The following DOCK5 variants were observed in gnomAD, a reference collection of about 807,000 sequenced individuals.
DOCK5 encodes dedicator of cytokinesis 5.
In DOCK5, 142 loss-of-function variants were observed where a neutral mutation model predicts 251.8. That is an observed-to-expected ratio of 0.56 (90% CI 0.49 to 0.65). DOCK5 has a LOEUF of 0.65. Among genes scored for constraint, DOCK5 ranks in the 30% least tolerant of loss-of-function variants. The pLI is 0.00. For missense variants in DOCK5, 2,111 were observed against 2,312.3 expected (o/e 0.91, Z 1.79); for synonymous variants, 842 against 835.5 (o/e 1.01, Z -0.13).
chr8:25,369,676 G>A (rs886908329), intron 34 of DOCK5, 35 bp downstream of exon 34: 3 of 1,551,780 alleles, frequency 1.9e-6, no homozygotes, highest in Admixed American at 3.8e-5. Context: ...GAAGTCAGTG[G>A]TGTCATTTAG....
At chr8:25,189,392 G>C (rs773530332) in intron 1 of DOCK5, among the ~76,000 whole-genome samples, 2 of 151,804 alleles carry the variant, frequency 1.3e-5, no homozygotes, top group Admixed American at 6.6e-5. Context: ...ACAGGGTCTC[G>C]TTCTGTAACC....
intron 43 of DOCK5, 71 bp from the exon 44 acceptor site, chr8:25,392,725 G>C: frequency 7.5e-7 from 1 of 1,332,532 alleles, no homozygotes; most frequent in Non-Finnish European, 1.1e-6. Flanking sequence ...TTTTCCCTGG[G>C]AATTGACCAA....
chr8:25,402,115 TA>T (rs1801449328), intron 47 of DOCK5, among the ~76,000 whole-genome samples: 1 of 152,062 alleles, frequency 6.6e-6, no homozygotes, highest in Non-Finnish European at 1.5e-5. Flanking sequence ...TTAATGGTCT[TA>T]TTCTTTTTGT....
At position 25,400,308 on chromosome 8, in the gene DOCK5, G is replaced by A. The variant is rs1801415932; in HGVS notation, c.4788+314G>A. Among the ~76,000 whole-genome samples the A allele has an allele frequency of 1.9e-4, 29 of 152,074 alleles. No homozygotes were observed. The South Asian group carries it at 5.8e-3, about 31-fold the overall frequency. ...GAGGTCAGGAGTTCCAGACCAGCCT[G>A]GCCAACATGGTGAAACCCCATCTCT... On this transcript the variant is annotated intron_variant, in intron 46 of 51. Coordinates refer to ENST00000276440, the MANE Select transcript of DOCK5 (RefSeq NM_024940.8).
intron 2 of DOCK5, among the ~76,000 whole-genome samples, chr8:25,250,436 T>A (rs1185886189): frequency 6.6e-6 from 1 of 152,246 alleles, no homozygotes; most frequent in Non-Finnish European, 1.5e-5. Flanking sequence ...CAGTCATTTT[T>A]GTGTCTTTGC....
At chr8:25,201,203 G>A (rs7846483) in intron 1 of DOCK5, among the ~76,000 whole-genome samples, 13,687 of 152,186 alleles carry the variant, frequency 0.09, 888 homozygotes, top group African/African-American at 0.19. Flanking sequence ...CACTGTGGCC[G>A]GCCTAAATGG....
chr8:25,296,081 A>T (rs1457744121), intron 6 of DOCK5, among the ~76,000 whole-genome samples: 1 of 152,112 alleles, frequency 6.6e-6, no homozygotes. Flanking sequence ...CAGCCTCCCA[A>T]AGTGCTAGGA....
At chr8:25,408,266 AG>A (rs3833689) in intron 49 of DOCK5, 112 bp downstream of exon 49, 66,157 of 1,183,180 alleles carry the variant, frequency 0.056, 2,211 homozygotes, top group South Asian at 0.098. Flanking sequence ...GGCTTGTTTC[AG>A]GACTCAGCAG....
At chr8:25,228,422 CTT>C (rs1241312578) in intron 1 of DOCK5, among the ~76,000 whole-genome samples, 1 of 152,174 alleles carries the variant, frequency 6.6e-6, no homozygotes, top group Non-Finnish European at 1.5e-5. Context: ...TAAACAGTGA[CTT>C]TGATTGAAGT....
At chr8:25,227,220 C>T (rs1421892737) in intron 1 of DOCK5, among the ~76,000 whole-genome samples, 2 of 152,154 alleles carry the variant, frequency 1.3e-5, no homozygotes, top group Admixed American at 6.5e-5. Context: ...GCCTGACTGC[C>T]GACCTCCCAT....
rs904797854 is a variant in DOCK5, at chr8:25,415,695, T to C, written c.*4397T>C. The stretch of plus-strand genomic sequence containing the variant: ...TGTTATTTATTTTTTAAATTAAAAA[T>C]GGAAATGTATTTTAAAGTTTATTGT... On this transcript the variant is annotated 3_prime_UTR_variant, in exon 52 of 52. Coordinates refer to ENST00000276440, the MANE Select transcript of DOCK5 (RefSeq NM_024940.8). The C allele has an allele frequency of 2.6e-5, 4 of 152,224 alleles. No homozygotes were observed. Among genetic ancestry groups the C allele is most frequent in the Non-Finnish European group, 4.4e-5 (3 of 68,036 alleles). The allele number at this position is 152,224 out of a possible 1,614,324, so 9.4% of individuals were successfully genotyped here.
chr8:25,368,777 A>G (rs1800822884), intron 33 of DOCK5, 52 bp downstream of exon 33: 4 of 1,543,444 alleles, frequency 2.6e-6, no homozygotes, highest in Middle Eastern at 1.8e-4. Flanking sequence ...TAGTCAAATC[A>G]TAACTCATTT....
rs761081395 is a variant in DOCK5 at position 25,296,643 on chromosome 8, G to C, written c.601G>C (p.Glu201Gln). The C allele has an allele frequency of 3.7e-5, 59 of 1,612,640 alleles. No individual in the cohort carries two copies. Among genetic ancestry groups the C allele is most frequent in the Non-Finnish European group, 4.7e-5 (56 of 1,179,396 alleles). The change falls in exon 7 of 52, where the codon GAG (glutamate) becomes CAG (glutamine). Residue 201 changes from glutamate to glutamine, a missense_variant. Transcript: ENST00000276440. The part of the protein sequence containing the change: ...SKRIEEKIQE[E>Q]KSILQNLDLR... ...AAGGATTGAGGAAAAGATCCAAGAA[G>C]AGAAGGTACAGTTCCTCAAATGTGA... is the stretch of plus-strand genomic sequence containing the variant.
chr8:25,246,727 T>C (rs1803125404), intron 2 of DOCK5, among the ~76,000 whole-genome samples: 1 of 148,024 alleles, frequency 6.8e-6, no homozygotes, highest in African/African-American at 2.5e-5. Flanking sequence ...TGTGTGTGTG[T>C]GTGTGTGTGT....
chr8:25,214,141 C>T (rs2117483727), intron 1 of DOCK5, among the ~76,000 whole-genome samples: 1 of 152,240 alleles, frequency 6.6e-6, no homozygotes, highest in Non-Finnish European at 1.5e-5. Context: ...TCTCTCATGG[C>T]AACGCTCTAA....
In DOCK5 at chr8:25,334,167, C is replaced by A; in HGVS notation, c.2163C>A (p.Tyr721Ter). The A allele has an allele frequency of 3.7e-6, 6 of 1,613,868 alleles. No individual in the cohort carries two copies. The highest frequency in any genetic ancestry group is 5.1e-6 in the Non-Finnish European group (6 of 1,179,754). The change falls in exon 21 of 52, where the codon TAC becomes TAA. Residue 721 changes from tyrosine to a stop codon, truncating the protein, a stop_gained. Coordinates refer to ENST00000276440, the MANE Select transcript of DOCK5 (RefSeq NM_024940.8). LOFTEE classifies it high-confidence loss of function. ...HFNPVLETYI[Y>*]KHFSATLAYV... ...ATCCTGTACTTGAAACCTACATTTA[C>A]AAGCACTTCAGCGCCACTTTGGCAT...
rs142424635 is a variant in DOCK5, at chr8:25,392,788, G to A, written c.4441-8G>A. The A allele has an allele frequency of 3.8e-4, 618 of 1,610,286 alleles. 2 individuals are homozygous for A. In the East Asian group the frequency reaches 0.012, roughly 31 times the overall value. ...ACCAACATTTCATGTTTTCCTTCTTGCCACCAGACGATGTGGATTGAACGG... is the reference window on the plus strand; with the variant it reads ...ACCAACATTTCATGTTTTCCTTCTTACCACCAGACGATGTGGATTGAACGG... On this transcript the variant is annotated splice_region_variant and splice_polypyrimidine_tract_variant and intron_variant, in intron 43 of 51. Transcript: ENST00000276440.
chr8:25,380,026 A>G (rs1341526385), intron 38 of DOCK5, among the ~76,000 whole-genome samples: 4 of 152,164 alleles, frequency 2.6e-5, no homozygotes, highest in Non-Finnish European at 4.4e-5. Context: ...TGTTAAACAC[A>G]GTATTGCTTT....
chr8:25,275,589 C>T, intron 4 of DOCK5, 148 bp downstream of exon 4: 1 of 737,620 alleles, frequency 1.4e-6, no homozygotes, highest in Non-Finnish European at 2.1e-6. Flanking sequence ...AATCCCAGCA[C>T]TTTGGGAGAC....
Sources: gnomAD v4.1 joint callset for allele counts (sites outside exome capture counted in the v4.1 genomes callset) on GRCh38, gnomAD v4.1.1 for gene constraint, MANE v1.5 for transcripts, NCBI Gene and HGNC (gene_info 2026-07-23, HGNC 2026-07-21) for gene names.